CADPS2: variants seen among roughly 807,000 people sequenced by gnomAD.
CADPS2 encodes calcium-dependent secretion activator 2.
CADPS2 carries 93 observed loss-of-function variants against 172.5 expected under a neutral mutation model. The ratio of observed to expected loss-of-function variants is 0.54; its 90% CI spans 0.46 to 0.64. The LOEUF is 0.64. CADPS2 is among the 30% of genes least tolerant of loss of function. CADPS2 has a pLI of 0.00. For synonymous variants in CADPS2, 546 were observed against 555.2 expected (o/e 0.98, Z 0.23); for missense variants, 1,420 against 1,565.9 (o/e 0.91, Z 1.57).
chr7:122,783,950 A>G (rs1489908769), intron 1 of CADPS2, among the ~76,000 whole-genome samples: 1 of 152,168 alleles, frequency 6.6e-6, no homozygotes, highest in Non-Finnish European at 1.5e-5. Context: ...GGCTATTACT[A>G]TAACTATCTT....
At chr7:122,518,013 G>A (rs1344345911) in intron 8 of CADPS2, among the ~76,000 whole-genome samples, 1 of 151,468 alleles carries the variant, frequency 6.6e-6, no homozygotes, top group Non-Finnish European at 1.5e-5. Flanking sequence ...TTTTTTTATG[G>A]TATCTAAGGC....
intron 14 of CADPS2, among the ~76,000 whole-genome samples, chr7:122,463,951 G>A (rs1287583278): frequency 1.1e-4 from 16 of 152,146 alleles, no homozygotes. Context: ...TGAACTCATG[G>A]TTTAGTACAC....
intron 28 of CADPS2, among the ~76,000 whole-genome samples, chr7:122,326,796 A>G (rs550437690): frequency 1.3e-5 from 2 of 152,204 alleles, no homozygotes; most frequent in African/African-American, 4.8e-5. Flanking sequence ...GATCCAATAC[A>G]ATTTAGTTTA....
At chr7:122,705,260 G>A (rs548933729) in intron 2 of CADPS2, among the ~76,000 whole-genome samples, 9 of 151,400 alleles carry the variant, frequency 5.9e-5, no homozygotes, top group African/African-American at 2.2e-4. Flanking sequence ...GTGACTGGGA[G>A]ACAGAGAGAG....
At chr7:122,375,951 C>T (rs1199190858) in intron 25 of CADPS2, among the ~76,000 whole-genome samples, 1 of 151,406 alleles carries the variant, frequency 6.6e-6, no homozygotes, top group African/African-American at 2.4e-5. Flanking sequence ...CTCTAATGAA[C>T]ATGTATAAAT....
intron 1 of CADPS2, among the ~76,000 whole-genome samples, chr7:122,821,599 C>T (rs1435239935): frequency 2.0e-5 from 3 of 152,132 alleles, no homozygotes; most frequent in South Asian, 2.1e-4. Context: ...TCATTTCTTC[C>T]GTTCTGTCAG....
chr7:122,359,994 T>C (rs574045589), intron 27 of CADPS2, among the ~76,000 whole-genome samples: 14 of 152,286 alleles, frequency 9.2e-5, no homozygotes, highest in African/African-American at 3.4e-4. Context: ...TGTAGAGATA[T>C]AATGTTCTTC....
chr7:122,604,277 T>C (rs955978578), intron 6 of CADPS2, among the ~76,000 whole-genome samples: 67 of 152,114 alleles, frequency 4.4e-4, no homozygotes, highest in Non-Finnish European at 1.6e-4. Context: ...CACTCACAGA[T>C]TGTTGAAGAT....
intron 1 of CADPS2, among the ~76,000 whole-genome samples, chr7:122,800,440 T>A (rs1048658578): frequency 1.3e-5 from 2 of 152,134 alleles, no homozygotes; most frequent in Non-Finnish European, 2.9e-5. Context: ...ACTGATCAAG[T>A]TCCAGAGCAG....
At chr7:122,560,233 CAGGTAGGTTGAAGGAGATACAAGA>C (rs1373196339) in intron 7 of CADPS2, among the ~76,000 whole-genome samples, 2 of 151,962 alleles carry the variant, frequency 1.3e-5, no homozygotes, top group Non-Finnish European at 2.9e-5. Context: ...ACAATACAGA[CAGGTAGGTTGAAGGAGATACAAGA>C]AGGTAGGTTG....
intron 1 of CADPS2, among the ~76,000 whole-genome samples, chr7:122,762,441 A>C (rs757727636): frequency 7.2e-5 from 11 of 152,190 alleles, no homozygotes; most frequent in Admixed American, 2.6e-4. Context: ...ATCAAAGCAA[A>C]TCATTGTAAT....
rs1247593762 is a variant in CADPS2 at position 122,571,886 on chromosome 7, TGAG to T, written c.1335+9290_1335+9292del. ...TCTAAAAAACTTATGAAGTAACAGA[TGAG>T]GAGTAGATTAAAGATGTTTTATTGA... On this transcript the variant is annotated intron_variant, in intron 7 of 29. Transcript: ENST00000449022. Among the ~76,000 whole-genome samples, 5 of 152,266 alleles carry T rather than the reference TGAG, an allele frequency of 3.3e-5. No homozygotes were observed. The East Asian group carries it at 5.8e-4, about 18-fold the overall frequency.
intron 15 of CADPS2, among the ~76,000 whole-genome samples, chr7:122,450,078 T>C (rs1332710838): frequency 6.6e-6 from 1 of 152,070 alleles, no homozygotes; most frequent in Non-Finnish European, 1.5e-5. Context: ...AGAATAATAA[T>C]GAGGCAATAA....
At chr7:122,863,342 A>C (rs1027599239) in intron 1 of CADPS2, among the ~76,000 whole-genome samples, 3 of 152,192 alleles carry the variant, frequency 2.0e-5, no homozygotes, top group African/African-American at 7.2e-5. Flanking sequence ...TTGCCTACAT[A>C]ATGTTTAAGA....
intron 1 of CADPS2, among the ~76,000 whole-genome samples, chr7:122,858,642 G>C (rs1293965930): frequency 6.6e-6 from 1 of 152,072 alleles, no homozygotes; most frequent in Non-Finnish European, 1.5e-5. Context: ...ATTCTCTAAA[G>C]AACAACATCT....
intron 9 of CADPS2, among the ~76,000 whole-genome samples, chr7:122,501,964 T>C (rs192761389): frequency 2.0e-5 from 3 of 150,016 alleles, no homozygotes; most frequent in Non-Finnish European, 4.4e-5. Context: ...TTCTTTCCAA[T>C]ATATCATATT....
intron 2 of CADPS2, among the ~76,000 whole-genome samples, chr7:122,709,749 C>T (rs1184137605): frequency 1.3e-5 from 2 of 152,066 alleles, no homozygotes; most frequent in Admixed American, 1.3e-4. Flanking sequence ...GAGTTCACGT[C>T]CTTTGTAGGG....
At chr7:122,667,015 C>A (rs7789775) in intron 2 of CADPS2, among the ~76,000 whole-genome samples, 7,770 of 152,274 alleles carry the variant, frequency 0.051, 261 homozygotes, top group African/African-American at 0.058. Flanking sequence ...CTCCTTATTT[C>A]TGCTACTCCT....
At position 122,709,974 on chromosome 7, in the gene CADPS2, G is replaced by A. The variant is rs537041099; in HGVS notation, c.453+26981C>T. Among the ~76,000 whole-genome samples the A allele has an allele frequency of 5.0e-4, 76 of 151,024 alleles. No individual in the cohort carries two copies. The Middle Eastern group carries it at 0.017, about 34-fold the overall frequency. ...CTAATGCTAAATGACGAGTTAATGG[G>A]TGCAGCACACCAGCATGGCACATAT... On this transcript the variant is annotated intron_variant, in intron 2 of 29. Transcript: ENST00000449022.
Sources: allele counts gnomAD v4.1 joint callset (sites outside exome capture counted in the v4.1 genomes callset), GRCh38; gene constraint gnomAD v4.1.1; transcripts MANE v1.5; gene names NCBI Gene and HGNC (gene_info 2026-07-23, HGNC 2026-07-21).